HDAC8: variants seen among roughly 807,000 people sequenced by gnomAD.
HDAC8 encodes the protein histone deacetylase-like 1.
HDAC8 carries 1 observed loss-of-function variant against 32.2 expected under a neutral mutation model. The ratio of observed to expected loss-of-function variants is 0.03; its 90% confidence interval spans 0.01 to 0.15. HDAC8 has a LOEUF of 0.15. Among genes scored for constraint, HDAC8 ranks in the 10% least tolerant of loss-of-function variants. The pLI, the probability that HDAC8 is intolerant of heterozygous loss-of-function variation, is 1.00. For missense variants in HDAC8, 117 were observed against 300.0 expected (o/e 0.39, Z 4.51); for synonymous variants, 108 against 113.9 (o/e 0.95, Z 0.33).
chrX:72,480,513 A>T (rs1266500587), intron 7 of HDAC8: 2 of 295,862 alleles, frequency 6.8e-6, no homozygotes, highest in Non-Finnish European at 1.3e-5. Flanking sequence ...TTCCTCAAGG[A>T]TCTACCAGAA....
intron 7 of HDAC8, chrX:72,480,315 T>C (rs1477344318): frequency 9.3e-6 from 3 of 322,860 alleles, no homozygotes; most frequent in African/African-American, 2.7e-5. Flanking sequence ...AGAGGTAGAA[T>C]AAGTTTGTAA....
intron 4 of HDAC8, among the ~76,000 whole-genome samples, chrX:72,531,456 T>C (rs1462708757): frequency 8.9e-6 from 1 of 112,158 alleles, no homozygotes; most frequent in Non-Finnish European, 1.9e-5. Context: ...AGTTTTATTT[T>C]CTGGTCACTA....
chrX:72,462,959 T>C (rs2047906176), intron 8 of HDAC8, among the ~76,000 whole-genome samples: 1 of 111,952 alleles, frequency 8.9e-6, no homozygotes, highest in Non-Finnish European at 1.9e-5. Context: ...AAGAGGGCAC[T>C]ATTAATCATT....
intron 4 of HDAC8, among the ~76,000 whole-genome samples, chrX:72,535,620 A>T (rs1301856820): frequency 8.9e-6 from 1 of 111,874 alleles, no homozygotes; most frequent in Non-Finnish European, 1.9e-5. Flanking sequence ...ATAAATAGTA[A>T]TACTATCATA....
At chrX:72,398,835 G>T (rs1346564889) in intron 9 of HDAC8, among the ~76,000 whole-genome samples, 3 of 104,903 alleles carry the variant, frequency 2.9e-5, no homozygotes, top group East Asian at 3.0e-4. Context: ...TTTTATAGTC[G>T]GTACTTTATG....
At chrX:72,392,874 A>G (rs2045650103) in intron 9 of HDAC8, among the ~76,000 whole-genome samples, 1 of 111,804 alleles carries the variant, frequency 8.9e-6, no homozygotes, top group Non-Finnish European at 1.9e-5. Flanking sequence ...AATTATTATT[A>G]TTTTGGCTAA....
chrX:72,411,396 G>A (rs782031849), intron 9 of HDAC8, among the ~76,000 whole-genome samples: 1 of 111,911 alleles, frequency 8.9e-6, no homozygotes, highest in Non-Finnish European at 1.9e-5. Context: ...AGTTCTTTAC[G>A]TCTTTCATAC....
intron 7 of HDAC8, among the ~76,000 whole-genome samples, chrX:72,477,402 CTT>C (rs2048367979): frequency 8.9e-6 from 1 of 112,059 alleles, no homozygotes; most frequent in African/African-American, 3.2e-5. Context: ...ACTGATACCT[CTT>C]CTTTTCCAAT....
intron 9 of HDAC8, among the ~76,000 whole-genome samples, chrX:72,461,264 C>T (rs1409016013): frequency 9.0e-6 from 1 of 111,523 alleles, no homozygotes; most frequent in Non-Finnish European, 1.9e-5. Flanking sequence ...TAACATGGTT[C>T]CTACTTGCAG....
At chrX:72,378,379 C>G (rs1158733686) in intron 9 of HDAC8, among the ~76,000 whole-genome samples, 1 of 111,273 alleles carries the variant, frequency 9.0e-6, no homozygotes, top group Non-Finnish European at 1.9e-5. Context: ...TCAGATTTTG[C>G]CTCTTTGCAT....
At chrX:72,446,358 A>T (rs1324186790) in intron 9 of HDAC8, among the ~76,000 whole-genome samples, 1 of 111,909 alleles carries the variant, frequency 8.9e-6, no homozygotes, top group Non-Finnish European at 1.9e-5. Context: ...TGCAGCCATA[A>T]AAAATGATGA....
chrX:72,365,163 G>A (rs1165599161), intron 9 of HDAC8, among the ~76,000 whole-genome samples: 7 of 111,815 alleles, frequency 6.3e-5, no homozygotes, highest in East Asian at 2.8e-4. Context: ...CCCAAAATCC[G>A]AAATCTGAAA....
chrX:72,431,827 T>C (rs1315881940), intron 9 of HDAC8, among the ~76,000 whole-genome samples: 2 of 112,024 alleles, frequency 1.8e-5, no homozygotes, highest in Non-Finnish European at 3.8e-5. Context: ...TATTAGCTAA[T>C]ACTTACTAAG....
chrX:72,421,410 G>A lies in HDAC8; in HGVS notation c.1005+40594C>T, dbSNP rs189055915. Among the ~76,000 whole-genome samples the A allele has an allele frequency of 2.7e-5, 3 of 111,343 alleles. No homozygotes were observed. In the Admixed American group the frequency reaches 2.9e-4, roughly 11 times the overall value. On this transcript the variant is annotated intron_variant, in intron 9 of 10. Coordinates refer to ENST00000373573, the MANE Select transcript of HDAC8 (RefSeq NM_018486.3). ...CTCCCGACAGGCTCCAGTGTGTGTT[G>A]TTCCCCTCCATGTGTCCACGTGTTG... is the stretch of plus-strand genomic sequence containing the variant.
chrX:72,538,206 T>C (rs868981962), intron 4 of HDAC8, among the ~76,000 whole-genome samples: 32 of 105,609 alleles, frequency 3.0e-4, no homozygotes, highest in African/African-American at 1.0e-3. Flanking sequence ...TTTTTGGAGA[T>C]GAAGTCTTGC....
At chrX:72,523,815 C>T (rs2050052977) in intron 4 of HDAC8, among the ~76,000 whole-genome samples, 1 of 111,852 alleles carries the variant, frequency 8.9e-6, no homozygotes. Flanking sequence ...GTTCTATCAC[C>T]AATCTCCATT....
At chrX:72,427,766 A>AG (rs1353853569) in intron 9 of HDAC8, among the ~76,000 whole-genome samples, 1 of 111,227 alleles carries the variant, frequency 9.0e-6, no homozygotes, top group African/African-American at 3.3e-5. Flanking sequence ...TAAAAAAAAA[A>AG]GAAAATGACA....
At chrX:72,535,133 C>T in intron 4 of HDAC8, among the ~76,000 whole-genome samples, 1 of 112,149 alleles carries the variant, frequency 8.9e-6, no homozygotes, top group African/African-American at 3.2e-5. Flanking sequence ...TCCTTATTTT[C>T]AGTACTAGCT....
At position 72,329,920 on chromosome X, in the gene HDAC8, T is replaced by A; in HGVS notation, c.*134A>T. ...GAAGCCAGCTGCCACTTGATGCCCC[T>A]TGGAAATTTTCAGGAAGTAATTTCT... On this transcript the variant is annotated 3_prime_UTR_variant, in exon 11 of 11. Coordinates refer to ENST00000373573, the MANE Select transcript of HDAC8 (RefSeq NM_018486.3). 1 of 855,472 alleles carries A rather than the reference T, an allele frequency of 1.2e-6. No homozygotes were observed. Among genetic ancestry groups the A allele is most frequent in the Non-Finnish European group, 1.7e-6 (1 of 592,365 alleles). The allele number at this position is 855,472 out of a possible 1,213,427, so 70.5% of individuals were successfully genotyped here. A position where few individuals can be genotyped will look rare whatever the true frequency, so the allele number is the denominator to read the frequency against.
Sources: allele counts gnomAD v4.1 joint callset (sites outside exome capture counted in the v4.1 genomes callset), GRCh38; gene constraint gnomAD v4.1.1; transcripts MANE v1.5; gene names NCBI Gene and HGNC (gene_info 2026-07-23, HGNC 2026-07-21).